The following UBE3A variants were observed in gnomAD, a reference collection of about 807,000 sequenced individuals.
The protein encoded by UBE3A is ubiquitin-protein ligase E3A.
A neutral mutation model predicts 83.4 loss-of-function variants in UBE3A; 6 were observed. The ratio of observed to expected loss-of-function variants is 0.07; its 90% CI spans 0.04 to 0.14. The LOEUF is 0.14. Ranked by LOEUF, UBE3A falls within the 10% of genes least tolerant of loss-of-function variation. The pLI, the probability that UBE3A is intolerant of heterozygous loss-of-function variation, is 1.00. For missense variants in UBE3A, 456 were observed against 1,036.1 expected (o/e 0.44, Z 7.69); for synonymous variants, 337 against 355.4 (o/e 0.95, Z 0.58).
intron 3 of UBE3A, chr15:25,408,709 T>G: frequency 6.5e-7 from 1 of 1,550,080 alleles, no homozygotes. Context: ...TATACTAGTT[T>G]TATTAATGTT....
At chr15:25,430,110 A>G (rs1164305319) in intron 1 of UBE3A, among the ~76,000 whole-genome samples, 3 of 91,022 alleles carry the variant, frequency 3.3e-5, no homozygotes, top group Non-Finnish European at 5.6e-5. Flanking sequence ...TTATATATAT[A>G]ATACATATAT....
intron 11 of UBE3A, among the ~76,000 whole-genome samples, chr15:25,341,139 G>A (rs1444694234): frequency 1.3e-5 from 2 of 151,210 alleles, no homozygotes; most frequent in Non-Finnish European, 2.9e-5. Flanking sequence ...GCGCGATCTC[G>A]GCTCATTGCA....
At chr15:25,357,291 T>C in intron 7 of UBE3A, 1 of 171,824 alleles carries the variant, frequency 5.8e-6, no homozygotes, top group Non-Finnish European at 1.2e-5. Flanking sequence ...CCAAAGTGTT[T>C]CATTTATAAA....
At chr15:25,410,548 T>C (rs1307899371) in intron 2 of UBE3A, among the ~76,000 whole-genome samples, 1 of 152,098 alleles carries the variant, frequency 6.6e-6, no homozygotes, top group Admixed American at 6.5e-5. Context: ...AAAGCAACAA[T>C]AGTCAAGCGT....
chr15:25,417,514 A>T (rs1008182808), intron 1 of UBE3A, among the ~76,000 whole-genome samples: 1 of 152,160 alleles, frequency 6.6e-6, no homozygotes, highest in Admixed American at 6.5e-5. Flanking sequence ...CAACAAATTC[A>T]GAGTGAAAAA....
chr15:25,384,988 C>T (rs968130888), intron 4 of UBE3A, among the ~76,000 whole-genome samples: 5 of 152,156 alleles, frequency 3.3e-5, no homozygotes, highest in South Asian at 2.1e-4. Context: ...CTTAAAACAT[C>T]GAATTATAAA....
chr15:25,351,556 GC>G (rs1330298467), intron 11 of UBE3A, among the ~76,000 whole-genome samples: 1 of 152,074 alleles, frequency 6.6e-6, no homozygotes, highest in Non-Finnish European at 1.5e-5. Context: ...TGCAACCTCC[GC>G]CTCCCAGGTT....
intron 11 of UBE3A, among the ~76,000 whole-genome samples, chr15:25,349,947 CT>C (rs1475359085): frequency 6.6e-6 from 1 of 152,132 alleles, no homozygotes; most frequent in East Asian, 1.9e-4. Flanking sequence ...CACCATGTTA[CT>C]CAGAATAGCA....
intron 11 of UBE3A, among the ~76,000 whole-genome samples, chr15:25,341,474 C>A (rs1165694508): frequency 6.6e-6 from 1 of 151,666 alleles, no homozygotes; most frequent in African/African-American, 2.4e-5. Context: ...TTAGAAAGTT[C>A]TTTCCAGAGC....
At chr15:25,352,559 G>A (rs1056112960) in intron 11 of UBE3A, among the ~76,000 whole-genome samples, 7 of 152,186 alleles carry the variant, frequency 4.6e-5, no homozygotes, top group Non-Finnish European at 7.3e-5. Flanking sequence ...AATGAAGTGA[G>A]CACATTTTGT....
At chr15:25,415,745 C>T (rs1254067009) in intron 1 of UBE3A, 1 of 151,118 alleles carries the variant, frequency 6.6e-6, no homozygotes, top group Non-Finnish European at 1.5e-5. Flanking sequence ...TTTGTCAGTG[C>T]CTCTAGTTGT....
chr15:25,425,793 C>G (rs562669516), intron 1 of UBE3A, among the ~76,000 whole-genome samples: 22 of 152,220 alleles, frequency 1.4e-4, no homozygotes, highest in African/African-American at 5.1e-4. Context: ...GGGCAACTAC[C>G]ACAAAATACA....
chr15:25,426,395 C>T (rs1315065625), intron 1 of UBE3A, among the ~76,000 whole-genome samples: 1 of 152,168 alleles, frequency 6.6e-6, no homozygotes, highest in Admixed American at 6.5e-5. Flanking sequence ...AATTAGAGTT[C>T]AAACTTCCAT....
chr15:25,362,491 C>T (rs905354286), intron 6 of UBE3A, among the ~76,000 whole-genome samples: 1 of 152,128 alleles, frequency 6.6e-6, no homozygotes, highest in Non-Finnish European at 1.5e-5. Context: ...GTTGTGAAGG[C>T]TTATTAAGAA....
At position 25,333,993 on chromosome 15, in the gene UBE3A, C is replaced by A. The variant is rs1258992161; in HGVS notation, c.*5144G>T. 2 of 151,752 alleles carry A rather than the reference C, an allele frequency of 1.3e-5. No homozygotes were observed. The highest frequency in any genetic ancestry group is 4.8e-5 in the African/African-American group (2 of 41,334). 9.4% of individuals were successfully genotyped at this position (151,752 alleles called of 1,614,324 possible). A position where few individuals can be genotyped will look rare whatever the true frequency, so the allele number is the denominator to read the frequency against. The stretch of plus-strand genomic sequence containing the variant: ...ACCCACAGCTAGCTAACATCATACT[C>A]AATGGTGAAAGACTGAATGCTTTCC... On this transcript the variant is annotated 3_prime_UTR_variant, in exon 13 of 13. Transcript: ENST00000648336.
intron 11 of UBE3A, among the ~76,000 whole-genome samples, chr15:25,350,313 C>A (rs1338627097): frequency 1.4e-5 from 2 of 146,794 alleles, no homozygotes; most frequent in Non-Finnish European, 3.0e-5. Flanking sequence ...AAAAAAAAAA[C>A]CAACGAACCA....
At chr15:25,392,106 G>A (rs2084527175) in intron 4 of UBE3A, among the ~76,000 whole-genome samples, 1 of 152,132 alleles carries the variant, frequency 6.6e-6, no homozygotes, top group East Asian at 1.9e-4. Flanking sequence ...TGCTGAGAGA[G>A]TAAAAGGAAT....
chr15:25,339,549 C>T (rs2074380123), intron 12 of UBE3A: 3 of 295,206 alleles, frequency 1.0e-5, no homozygotes, highest in Middle Eastern at 2.4e-3. Flanking sequence ...AATCTTTCCA[C>T]AACAAAACCA....
intron 11 of UBE3A, among the ~76,000 whole-genome samples, chr15:25,351,998 A>T (rs1385432462): frequency 6.6e-6 from 1 of 151,998 alleles, no homozygotes; most frequent in African/African-American, 2.4e-5. Context: ...GTTTGAGACC[A>T]GCCTGGCCAA....
Sources: gnomAD v4.1 joint callset for allele counts (sites outside exome capture counted in the v4.1 genomes callset) on GRCh38, gnomAD v4.1.1 for gene constraint, MANE v1.5 for transcripts, NCBI Gene and HGNC (gene_info 2026-07-23, HGNC 2026-07-21) for gene names.